The following MTHFSD variants were observed in gnomAD, a reference collection of about 807,000 sequenced individuals.
MTHFSD encodes methenyltetrahydrofolate synthase domain-containing protein.
MTHFSD carries 37 observed loss-of-function variants against 31.1 expected under a neutral mutation model. The observed-to-expected ratio is 1.19, with a 90% CI of 0.91 to 1.56. MTHFSD has a LOEUF of 1.56. MTHFSD is among the 40% of genes most tolerant of loss of function. The pLI, the probability that MTHFSD is intolerant of heterozygous loss-of-function variation, is 0.00. For missense variants in MTHFSD, 664 were observed against 510.1 expected, an observed-to-expected ratio of 1.30 and a Z score of -2.91; for synonymous variants, 221 against 206.9, an observed-to-expected ratio of 1.07 and a Z score of -0.59.
At chr16:86,532,628 C>T in intron 7 of MTHFSD, 147 bp from the exon 8 acceptor site, 1 of 507,978 alleles carries the variant, frequency 2.0e-6, no homozygotes, top group Non-Finnish European at 3.3e-6. Context: ...GGGACTCCCA[C>T]TGTCCCACCC....
At position 86,541,687 on chromosome 16, in the gene MTHFSD, C is replaced by A. The variant is rs9674156; in HGVS notation, c.681+10G>T. On this transcript the variant is annotated intron_variant, in intron 7 of 7. Transcript: ENST00000360900. ...GCTACAGGCCAGAGCTGGCCACTGC[C>A]GTGACCCACCTTGAACCAGGTGATT... 1.9e-6 allele frequency: 3 copies of A among 1,611,328 alleles called. No homozygotes were observed.
In MTHFSD at chr16:86,542,048, C is replaced by T; in HGVS notation, c.555+53G>A. 1.3e-6 allele frequency: 2 copies of T among 1,531,788 alleles called. No individual in the cohort carries two copies. Among genetic ancestry groups the T allele is most frequent in the Non-Finnish European group, 1.8e-6 (2 of 1,111,378 alleles). 94.9% of individuals were successfully genotyped at this position (1,531,788 alleles called of 1,614,324 possible). A position where few individuals can be genotyped will look rare whatever the true frequency, so the allele number is the denominator to read the frequency against. On this transcript the variant is annotated intron_variant, in intron 6 of 7. Coordinates refer to ENST00000360900, the MANE Select transcript of MTHFSD (RefSeq NM_001159377.2). The surrounding 1 kb of genome is among the most constrained non-coding windows in gnomAD (Gnocchi z 4.6). ...GATGAGTCTCCTTCCCCACCCCCTG[C>T]TCCCTCAGAAGAGAATGGCAGTGGC...
chr16:86,543,338 A>G (rs1222664132), intron 5 of MTHFSD, among the ~76,000 whole-genome samples: 4 of 152,140 alleles, frequency 2.6e-5, no homozygotes, highest in African/African-American at 9.7e-5. Context: ...TGGCAACATC[A>G]AGGCTGACAA....
intron 3 of MTHFSD, among the ~76,000 whole-genome samples, chr16:86,550,717 C>A (rs1360310278): frequency 6.6e-6 from 1 of 152,226 alleles, no homozygotes. Context: ...GCTACTGCTG[C>A]TATTACTACT....
chr16:86,539,372 G>T (rs1449814503), intron 7 of MTHFSD, among the ~76,000 whole-genome samples: 2 of 152,244 alleles, frequency 1.3e-5, no homozygotes, highest in Non-Finnish European at 2.9e-5. Flanking sequence ...GAAGAAACAT[G>T]CATGGCGTCC....
At chr16:86,543,363 C>T (rs951221653) in intron 5 of MTHFSD, among the ~76,000 whole-genome samples, 1 of 152,152 alleles carries the variant, frequency 6.6e-6, no homozygotes, top group Non-Finnish European at 1.5e-5. Flanking sequence ...CCCTTCAGTT[C>T]AGCAACTCCC....
intron 3 of MTHFSD, among the ~76,000 whole-genome samples, chr16:86,551,611 C>A (rs1973152650): frequency 6.6e-6 from 1 of 152,204 alleles, no homozygotes; most frequent in African/African-American, 2.4e-5. Context: ...CAGAACATGA[C>A]AAGTGACCGT....
chr16:86,546,463 G>C (rs1972324564), intron 5 of MTHFSD, 96 bp downstream of exon 5: 1 of 1,070,966 alleles, frequency 9.3e-7, no homozygotes, highest in South Asian at 1.3e-5. Flanking sequence ...CCAGAAAGCA[G>C]ACACCACTGG....
intron 7 of MTHFSD, chr16:86,533,658 A>T (rs1048524): frequency 1.3e-5 from 2 of 151,922 alleles, no homozygotes; most frequent in African/African-American, 4.8e-5. Context: ...GCAGGGTGAG[A>T]GAGGAGCCTT....
Position 86,532,038 on chromosome 16 carries a change from C to A in MTHFSD, c.1125G>T (p.Ala375=). Residue 375 remains alanine (A), a synonymous_variant, in exon 8 of 8, where the codon GCG becomes GCT. Transcript: ENST00000360900. ...ACTTGTCCCTCTGCTGCCTGGCCAG[C>A]GCCACCCTCAGGGTGTCGGTGCCCA... ...LRLGTDTLRV[A]LARQQRDK 1.3e-6 allele frequency: 2 copies of A among 1,489,000 alleles called. No homozygotes were observed. The highest frequency in any genetic ancestry group is 1.8e-6 in the Non-Finnish European group (2 of 1,124,422). The allele number at this position is 1,489,000 out of a possible 1,614,324, so 92.2% of individuals were successfully genotyped here.
intron 2 of MTHFSD, among the ~76,000 whole-genome samples, chr16:86,554,310 C>G (rs1973712113): frequency 6.6e-6 from 1 of 152,208 alleles, no homozygotes; most frequent in Non-Finnish European, 1.5e-5. Flanking sequence ...TCAGAAGGAA[C>G]AAACTCCAGA....
rs1597349684 is a variant in MTHFSD, at chr16:86,542,505, A to C, written c.443-292T>G. On this transcript the variant is annotated intron_variant, in intron 5 of 7. Transcript: ENST00000360900. The surrounding 1 kb of genome is among the most constrained non-coding windows in gnomAD (Gnocchi z 4.6). Reference sequence around the variant, plus strand: ...AAGGGAAACAGATCACACTCATGTCAGCTTTATGTTAGCAAGACTCATACT... The same window carrying C: ...AAGGGAAACAGATCACACTCATGTCCGCTTTATGTTAGCAAGACTCATACT... The C allele has an allele frequency of 1.2e-5, 4 of 331,248 alleles. No homozygotes were observed. The East Asian group carries it at 2.3e-4, about 19-fold the overall frequency. 20.5% of individuals were successfully genotyped at this position (331,248 alleles called of 1,614,324 possible).
In MTHFSD at chr16:86,554,976, C is replaced by A. The variant is rs1046015814; in HGVS notation, c.16+193G>T. 4 of 1,329,402 alleles carry A rather than the reference C, an allele frequency of 3.0e-6. No individual in the cohort carries two copies. In the East Asian group the frequency reaches 7.6e-5, roughly 25 times the overall value. 82.4% of individuals were successfully genotyped at this position (1,329,402 alleles called of 1,614,324 possible). ...TCGTTATCTTTATTTTTCCTGACAT[C>A]TTTCTCGGGATTCCGGGCGAGAGAG... On this transcript the variant is annotated intron_variant, in intron 1 of 7. Coordinates refer to ENST00000360900, the MANE Select transcript of MTHFSD (RefSeq NM_001159377.2).
chr16:86,537,117 T>A (rs978982415), intron 7 of MTHFSD, among the ~76,000 whole-genome samples: 3 of 152,194 alleles, frequency 2.0e-5, no homozygotes, highest in African/African-American at 7.2e-5. Context: ...ATTGAACAAA[T>A]TTACTATTTT....
intron 3 of MTHFSD, among the ~76,000 whole-genome samples, chr16:86,548,827 G>C (rs527264342): frequency 7.9e-5 from 12 of 151,650 alleles, no homozygotes; most frequent in Admixed American, 6.6e-4. Flanking sequence ...TTGCTAATTT[G>C]ATTTCACTTG....
chr16:86,551,962 T>C, intron 3 of MTHFSD, 71 bp downstream of exon 3: 2 of 1,599,352 alleles, frequency 1.3e-6, no homozygotes, highest in East Asian at 2.2e-5. Context: ...ACGTGTGCAC[T>C]GACCAGCTAC....
chr16:86,548,627 G>A (rs778317217), intron 3 of MTHFSD, 50 bp from the exon 4 acceptor site: 8 of 1,432,954 alleles, frequency 5.6e-6, no homozygotes, highest in Non-Finnish European at 7.7e-6. Context: ...TTATTCCATA[G>A]GACTTTCTTA....
chr16:86,549,008 A>C (rs1972744850), intron 3 of MTHFSD, among the ~76,000 whole-genome samples: 1 of 152,238 alleles, frequency 6.6e-6, no homozygotes, highest in East Asian at 1.9e-4. Flanking sequence ...TACCTTAGTT[A>C]CTCAAACATT....
chr16:86,533,087 C>T (rs1167816088), intron 7 of MTHFSD: 1 of 152,248 alleles, frequency 6.6e-6, no homozygotes, highest in Non-Finnish European at 1.5e-5. Context: ...AAAACACTTC[C>T]TAGCGATGGG....
Sources: allele counts gnomAD v4.1 joint callset (sites outside exome capture counted in the v4.1 genomes callset), GRCh38; gene constraint gnomAD v4.1.1; non-coding constraint Gnocchi (gnomAD v3.1); transcripts MANE v1.5; gene names NCBI Gene and HGNC (gene_info 2026-07-23, HGNC 2026-07-21).